Variants in ALDH1L2 observed in about 807,000 individuals in gnomAD.
The protein encoded by ALDH1L2 is mitochondrial 10-formyltetrahydrofolate dehydrogenase.
ALDH1L2 carries 91 observed loss-of-function variants against 111.0 expected under a neutral mutation model. The observed-to-expected ratio is 0.82, with a 90% CI of 0.69 to 0.98. The LOEUF (loss-of-function observed/expected upper bound fraction) is 0.98. ALDH1L2 is among the 50% of genes least tolerant of loss of function. The pLI, the probability that ALDH1L2 is intolerant of heterozygous loss-of-function variation, is 0.00. For synonymous variants in ALDH1L2, 374 were observed against 392.6 expected (o/e 0.95, Z 0.56); for missense variants, 995 against 1,126.8 (o/e 0.88, Z 1.67).
In ALDH1L2 at chr12:105,038,075, TATTTACTTAAATTTGACCCTCTC is replaced by T; in HGVS notation, c.2145+5_2145+27del. On this transcript the variant is annotated splice_donor_5th_base_variant and intron_variant, in intron 18 of 22. Coordinates refer to ENST00000258494, the MANE Select transcript of ALDH1L2 (RefSeq NM_001034173.4). ...AGCCACCTCACCTGGCCCAGGCACCTATTTACTTAAATTTGACCCTCTCTTACCATTCGCACAGCCTTGTCAAG... is the reference window on the plus strand; with the variant it reads ...AGCCACCTCACCTGGCCCAGGCACCTTTACCATTCGCACAGCCTTGTCAAG... The T allele has an allele frequency of 6.3e-7, 1 of 1,594,746 alleles. No individual in the cohort carries two copies. Among genetic ancestry groups the T allele is most frequent in the Non-Finnish European group, 8.6e-7 (1 of 1,163,394 alleles).
intron 1 of ALDH1L2, among the ~76,000 whole-genome samples, chr12:105,081,475 A>G (rs1258873041): frequency 6.6e-6 from 1 of 152,182 alleles, no homozygotes; most frequent in African/African-American, 2.4e-5. Context: ...GGTAACCTCA[A>G]GTTACCTGGA....
chr12:105,027,987 TTC>T (rs1874500260), intron 21 of ALDH1L2, among the ~76,000 whole-genome samples: 1 of 152,230 alleles, frequency 6.6e-6, no homozygotes, highest in Admixed American at 6.5e-5. Flanking sequence ...ACCTACTCTT[TTC>T]TCAGTTGAGT....
chr12:105,070,468 G>T, intron 3 of ALDH1L2, 102 bp downstream of exon 3: 1 of 971,482 alleles, frequency 1.0e-6, no homozygotes, highest in Non-Finnish European at 1.5e-6. Flanking sequence ...TACTTGGGAG[G>T]CTGAGGCAGA....
At chr12:105,050,203 CA>C in intron 12 of ALDH1L2, 145 bp from the exon 13 acceptor site, 1 of 643,672 alleles carries the variant, frequency 1.6e-6, no homozygotes, top group East Asian at 3.3e-5. Flanking sequence ...GTCCAGTAGG[CA>C]AGAAAGACAT....
chr12:105,084,297 C>A, intron 1 of ALDH1L2, 92 bp downstream of exon 1: 1 of 1,371,552 alleles, frequency 7.3e-7, no homozygotes, highest in South Asian at 1.4e-5. Context: ...CATCGCTGCT[C>A]ATCCCCAGCC....
At chr12:105,037,553 T>C (rs531067532) in intron 18 of ALDH1L2, among the ~76,000 whole-genome samples, 2 of 152,216 alleles carry the variant, frequency 1.3e-5, no homozygotes, top group African/African-American at 4.8e-5. Flanking sequence ...TGAACTTTTT[T>C]ACATGCCTGC....
chr12:105,031,569 C>T lies in ALDH1L2; in HGVS notation c.2410+200G>A, dbSNP rs117336577. 6.4e-3 allele frequency among the ~76,000 whole-genome samples: 977 copies of T among 152,250 alleles called. 5 individuals are homozygous for T. Among genetic ancestry groups the T allele is most frequent in the Non-Finnish European group, 0.01 (692 of 68,026 alleles). On this transcript the variant is annotated intron_variant, in intron 20 of 22. Transcript: ENST00000258494. The stretch of plus-strand genomic sequence containing the variant: ...GATCTCAGCTCACTGCAGCCTCCTC[C>T]GCTCACGTTAACCTGCCTCCTAGGT...
At chr12:105,029,168 C>T (rs1382878022) in intron 21 of ALDH1L2, among the ~76,000 whole-genome samples, 1 of 152,062 alleles carries the variant, frequency 6.6e-6, no homozygotes, top group Non-Finnish European at 1.5e-5. Flanking sequence ...GCTGGGACTA[C>T]AGGCACATGC....
intron 1 of ALDH1L2, among the ~76,000 whole-genome samples, chr12:105,084,132 A>C (rs552985413): frequency 6.6e-6 from 1 of 152,172 alleles, no homozygotes; most frequent in South Asian, 2.1e-4. Context: ...GACACGTCCA[A>C]AAACTGCATC....
At chr12:105,081,072 G>A (rs1878314207) in intron 1 of ALDH1L2, among the ~76,000 whole-genome samples, 1 of 152,152 alleles carries the variant, frequency 6.6e-6, no homozygotes, top group South Asian at 2.1e-4. Flanking sequence ...ATCTACGGAT[G>A]ATTTAAAGTA....
At chr12:105,034,771 G>C (rs11112321) in intron 18 of ALDH1L2, among the ~76,000 whole-genome samples, 34,048 of 152,056 alleles carry the variant, frequency 0.22, 4,742 homozygotes, top group South Asian at 0.45. Context: ...AGATCACAAG[G>C]TCAGGAGTTC....
At chr12:105,056,087 G>A (rs1876611711) in intron 10 of ALDH1L2, among the ~76,000 whole-genome samples, 2 of 151,740 alleles carry the variant, frequency 1.3e-5, no homozygotes, top group African/African-American at 4.8e-5. Flanking sequence ...AATTCTAATG[G>A]GAAAATTCAA....
chr12:105,083,801 C>T (rs138057881), intron 1 of ALDH1L2, among the ~76,000 whole-genome samples: 1 of 152,124 alleles, frequency 6.6e-6, no homozygotes, highest in African/African-American at 2.4e-5. Context: ...AGTGTTCCAG[C>T]GTGGCTGCCT....
chr12:105,028,107 T>G (rs578257917), intron 21 of ALDH1L2, among the ~76,000 whole-genome samples: 53 of 152,042 alleles, frequency 3.5e-4, no homozygotes, highest in African/African-American at 9.4e-4. Flanking sequence ...CAAGCCAGGT[T>G]GTTGTTGTTG....
chr12:105,070,892 A>T, intron 2 of ALDH1L2, 88 bp from the exon 3 acceptor site: 1 of 1,116,752 alleles, frequency 9.0e-7, no homozygotes, highest in Non-Finnish European at 1.3e-6. Context: ...TTACAGTTTC[A>T]TGAAATATTT....
chr12:105,025,580 G>A (rs932256066), intron 22 of ALDH1L2, among the ~76,000 whole-genome samples: 2 of 152,082 alleles, frequency 1.3e-5, no homozygotes, highest in African/African-American at 2.4e-5. Context: ...TCACCCAATG[G>A]AATTTAAAAT....
At position 105,061,843 on chromosome 12, in the gene ALDH1L2, A is replaced by G. The variant is rs1023666044; in HGVS notation, c.922-91T>C. 3.5e-6 allele frequency: 5 copies of G among 1,448,376 alleles called. No individual in the cohort carries two copies. In the African/African-American group the frequency reaches 7.1e-5, roughly 21 times the overall value. The allele number at this position is 1,448,376 out of a possible 1,614,324, so 89.7% of individuals were successfully genotyped here. The stretch of plus-strand genomic sequence containing the variant: ...GGGAGGAGTCCTATAGATTATATGC[A>G]TATAAGGGCAAGTTTATTTGGAAAA... On this transcript the variant is annotated intron_variant, in intron 7 of 22. Transcript: ENST00000258494.
intron 22 of ALDH1L2, 72 bp from the exon 23 acceptor site, chr12:105,024,551 T>C: frequency 7.2e-7 from 1 of 1,398,268 alleles, no homozygotes; most frequent in Non-Finnish European, 1.0e-6. Flanking sequence ...CCTTCAGACA[T>C]AGGTATACGT....
intron 10 of ALDH1L2, 44 bp downstream of exon 10, chr12:105,058,029 T>C (rs371696307): frequency 6.3e-7 from 1 of 1,589,154 alleles, no homozygotes; most frequent in African/African-American, 1.4e-5. Flanking sequence ...TTATAGTGTA[T>C]GGATCTCACT....
Sources: gnomAD v4.1 joint callset for allele counts (sites outside exome capture counted in the v4.1 genomes callset) on GRCh38, gnomAD v4.1.1 for gene constraint, MANE v1.5 for transcripts, NCBI Gene and HGNC (gene_info 2026-07-23, HGNC 2026-07-21) for gene names.